The following CAMK2D variants were observed in gnomAD, a reference collection of about 807,000 sequenced individuals.
The protein encoded by CAMK2D is calcium/calmodulin dependent protein kinase II delta.
Under a neutral mutation model 84.0 loss-of-function variants are expected in CAMK2D, and 37 were observed. The ratio of observed to expected loss-of-function variants is 0.44; its 90% CI spans 0.34 to 0.58. The LOEUF is 0.58. Among genes scored for constraint, CAMK2D ranks in the 20% least tolerant of loss-of-function variants. The probability of loss-of-function intolerance (pLI) is 0.02; values close to 1 mark genes in which losing one functional copy is unlikely to be tolerated. For missense variants in CAMK2D, 448 were observed against 652.5 expected (o/e 0.69, Z 3.41); for synonymous variants, 202 against 212.5 (o/e 0.95, Z 0.43).
At chr4:113,669,068 G>A (rs1005271326) in intron 2 of CAMK2D, among the ~76,000 whole-genome samples, 1 of 151,958 alleles carries the variant, frequency 6.6e-6, no homozygotes, top group Non-Finnish European at 1.5e-5. Context: ...AACAATAATG[G>A]CATCTATTCA....
At chr4:113,558,832 G>A (rs1480852708) in intron 4 of CAMK2D, among the ~76,000 whole-genome samples, 1 of 151,340 alleles carries the variant, frequency 6.6e-6, no homozygotes, top group East Asian at 1.9e-4. Flanking sequence ...CATAGTGAGA[G>A]CCTGCCAGGT....
At chr4:113,614,833 T>G (rs528224593) in intron 3 of CAMK2D, among the ~76,000 whole-genome samples, 1 of 152,212 alleles carries the variant, frequency 6.6e-6, no homozygotes, top group African/African-American at 2.4e-5. Context: ...TTCAATATCA[T>G]AAGCAAATTT....
At chr4:113,597,105 AC>A (rs2098930788) in intron 4 of CAMK2D, among the ~76,000 whole-genome samples, 1 of 152,130 alleles carries the variant, frequency 6.6e-6, no homozygotes, top group Non-Finnish European at 1.5e-5. Context: ...GGCATGAGCC[AC>A]CGCGCCTGGC....
rs562689780 is a variant in CAMK2D at position 113,575,217 on chromosome 4, G to A, written c.276-23121C>T. Among the ~76,000 whole-genome samples the A allele has an allele frequency of 2.0e-5, 3 of 152,236 alleles. 1 individual carries two copies. The East Asian group carries it at 5.8e-4, about 29-fold the overall frequency. On this transcript the variant is annotated intron_variant, in intron 4 of 20. Coordinates refer to ENST00000511664, the MANE Select transcript of CAMK2D (RefSeq NM_001321571.2). ...ATTTGAAGATTACCATCCACTCCAT[G>A]GATAGAAAGACAATAGAAGAACTAA...
Position 113,608,238 on chromosome 4 carries a change from T to C in CAMK2D, c.275+914A>G, listed in dbSNP as rs139526698. ...AGAACGTGGTTTCTTAATGATATCATTGAAGTACTGAATTAACCAAACCTA... is the reference window on the plus strand; with the variant it reads ...AGAACGTGGTTTCTTAATGATATCACTGAAGTACTGAATTAACCAAACCTA... On this transcript the variant is annotated intron_variant, in intron 4 of 20. Coordinates refer to ENST00000511664, the MANE Select transcript of CAMK2D (RefSeq NM_001321571.2). Among the ~76,000 whole-genome samples the C allele has an allele frequency of 8.5e-5, 13 of 152,332 alleles. No individual in the cohort carries two copies. In the East Asian group the frequency reaches 1.3e-3, roughly 16 times the overall value.
At chr4:113,705,113 C>T (rs1355759300) in intron 2 of CAMK2D, among the ~76,000 whole-genome samples, 4 of 149,624 alleles carry the variant, frequency 2.7e-5, no homozygotes, top group Admixed American at 6.7e-5. Flanking sequence ...AGGCCAGGAT[C>T]GAGACCATCC....
intron 3 of CAMK2D, among the ~76,000 whole-genome samples, chr4:113,657,881 ATTTTAAAAC>A (rs1412597779): frequency 6.6e-6 from 1 of 152,202 alleles, no homozygotes; most frequent in Non-Finnish European, 1.5e-5. Context: ...AGCCTAGCTG[ATTTTAAAAC>A]CAAGGAAATA....
At chr4:113,749,112 T>C (rs962450997) in intron 2 of CAMK2D, among the ~76,000 whole-genome samples, 6 of 151,706 alleles carry the variant, frequency 4.0e-5, no homozygotes, top group Non-Finnish European at 8.8e-5. Context: ...ATGATAGGAA[T>C]ACTTTTATGA....
chr4:113,670,197 G>A (rs1222596183), intron 2 of CAMK2D, among the ~76,000 whole-genome samples: 3 of 152,108 alleles, frequency 2.0e-5, no homozygotes, highest in African/African-American at 4.8e-5. Flanking sequence ...CAGGAGAATC[G>A]CTTCAACCCA....
intron 2 of CAMK2D, among the ~76,000 whole-genome samples, chr4:113,749,832 C>T (rs2099613226): frequency 6.6e-6 from 1 of 152,150 alleles, no homozygotes; most frequent in Non-Finnish European, 1.5e-5. Context: ...CATGACAAAA[C>T]TTATGAAATA....
At chr4:113,514,404 A>G (rs1398523458) in intron 10 of CAMK2D, among the ~76,000 whole-genome samples, 2 of 152,106 alleles carry the variant, frequency 1.3e-5, no homozygotes. Flanking sequence ...CAAGAGCAAG[A>G]CTCTGTCTCA....
At chr4:113,606,792 A>G (rs1236881125) in intron 4 of CAMK2D, among the ~76,000 whole-genome samples, 1 of 152,198 alleles carries the variant, frequency 6.6e-6, no homozygotes, top group Non-Finnish European at 1.5e-5. Context: ...TGAGCTCCAA[A>G]TAAGTAAACT....
At chr4:113,568,414 C>A (rs1431289283) in intron 4 of CAMK2D, among the ~76,000 whole-genome samples, 1 of 152,208 alleles carries the variant, frequency 6.6e-6, no homozygotes, top group East Asian at 1.9e-4. Flanking sequence ...AATTTCATTA[C>A]ATTTTTAAGC....
chr4:113,706,578 T>A (rs1360471569), intron 2 of CAMK2D, among the ~76,000 whole-genome samples: 2 of 152,182 alleles, frequency 1.3e-5, no homozygotes, highest in Admixed American at 1.3e-4. Context: ...CTCACTATTT[T>A]AACAAAATAT....
intron 6 of CAMK2D, among the ~76,000 whole-genome samples, chr4:113,539,537 C>A (rs548395396): frequency 2.4e-4 from 37 of 152,280 alleles, no homozygotes; most frequent in African/African-American, 8.7e-4. Flanking sequence ...CCTCAAGCAC[C>A]AAGTATCTGC....
intron 16 of CAMK2D, among the ~76,000 whole-genome samples, chr4:113,489,127 G>C (rs4834341): frequency 6.6e-6 from 1 of 151,688 alleles, no homozygotes; most frequent in East Asian, 1.9e-4. Flanking sequence ...TAGTATATGC[G>C]GACAGTAATT....
chr4:113,619,675 T>C (rs1428941386), intron 3 of CAMK2D, among the ~76,000 whole-genome samples: 1 of 152,196 alleles, frequency 6.6e-6, no homozygotes, highest in Admixed American at 6.6e-5. Flanking sequence ...CTGTTTTAAG[T>C]CCCTAAGCAG....
intron 4 of CAMK2D, among the ~76,000 whole-genome samples, chr4:113,607,426 C>G (rs961532302): frequency 1.4e-4 from 21 of 152,226 alleles, no homozygotes; most frequent in Non-Finnish European, 1.8e-4. Context: ...CCTGCAGGTA[C>G]GCATTAAGAT....
chr4:113,530,600 G>C (rs1343548448), intron 8 of CAMK2D, among the ~76,000 whole-genome samples: 1 of 152,152 alleles, frequency 6.6e-6, no homozygotes, highest in African/African-American at 2.4e-5. Context: ...TGAGGTCTTT[G>C]GTAGGATGGA....
Sources: gnomAD v4.1 joint callset for allele counts (sites outside exome capture counted in the v4.1 genomes callset) on GRCh38, gnomAD v4.1.1 for gene constraint, MANE v1.5 for transcripts, NCBI Gene and HGNC (gene_info 2026-07-23, HGNC 2026-07-21) for gene names.